ST6GALNAC3: variants seen among roughly 807,000 people sequenced by gnomAD.
The protein encoded by ST6GALNAC3 is alpha-N-acetylgalactosaminide alpha-2,6-sialyltransferase 3.
ST6GALNAC3 carries 25 observed loss-of-function variants against 32.7 expected under a neutral mutation model. The observed-to-expected ratio is 0.76, with a 90% CI of 0.56 to 1.07. The LOEUF (loss-of-function observed/expected upper bound fraction) is 1.07. Ranked by LOEUF, ST6GALNAC3 falls within the 50% of genes least tolerant of loss-of-function variation. ST6GALNAC3 has a pLI of 0.00. For synonymous variants in ST6GALNAC3, 129 were observed against 133.1 expected (o/e 0.97, Z 0.21); for missense variants, 355 against 382.4 (o/e 0.93, Z 0.60).
intron 1 of ST6GALNAC3, among the ~76,000 whole-genome samples, chr1:76,234,616 C>A (rs1013422105): frequency 6.6e-6 from 1 of 152,238 alleles, no homozygotes; most frequent in African/African-American, 2.4e-5. Context: ...GGGCTCTACA[C>A]CTGAATTTCT....
chr1:76,540,543 A>G (rs540272143), intron 3 of ST6GALNAC3, among the ~76,000 whole-genome samples: 1 of 152,308 alleles, frequency 6.6e-6, no homozygotes, highest in East Asian at 1.9e-4. Flanking sequence ...TTTGGGGAGT[A>G]CCATAGTCTT....
intron 2 of ST6GALNAC3, among the ~76,000 whole-genome samples, chr1:76,341,629 CTT>C (rs1235356122): frequency 7.7e-6 from 1 of 130,568 alleles, no homozygotes; most frequent in African/African-American, 3.1e-5. Flanking sequence ...TTCTTTCTTT[CTT>C]TCTTTCTTTC....
At chr1:76,146,907 T>G (rs1384628960) in intron 1 of ST6GALNAC3, among the ~76,000 whole-genome samples, 1 of 152,134 alleles carries the variant, frequency 6.6e-6, no homozygotes, top group African/African-American at 2.4e-5. Flanking sequence ...GAAATGTACT[T>G]TCCGACCTCC....
intron 3 of ST6GALNAC3, among the ~76,000 whole-genome samples, chr1:76,508,571 AC>A (rs1213582052): frequency 1.3e-5 from 2 of 151,862 alleles, no homozygotes; most frequent in African/African-American, 4.8e-5. Flanking sequence ...CTGAAGCATA[AC>A]CCCCCGGAGT....
chr1:76,419,145 G>C (rs890876363), intron 3 of ST6GALNAC3, among the ~76,000 whole-genome samples: 10 of 151,968 alleles, frequency 6.6e-5, no homozygotes, highest in African/African-American at 2.2e-4. Context: ...AACATCTCAA[G>C]TTCAGTGATC....
At chr1:76,327,363 G>GCCTCATGA (rs1283143131) in intron 2 of ST6GALNAC3, among the ~76,000 whole-genome samples, 1 of 151,474 alleles carries the variant, frequency 6.6e-6, no homozygotes, top group East Asian at 2.0e-4. Flanking sequence ...TTAAAGAATT[G>GCCTCATGA]CCTCATGAGA....
At chr1:76,133,072 A>G (rs1180692564) in intron 1 of ST6GALNAC3, among the ~76,000 whole-genome samples, 3 of 152,084 alleles carry the variant, frequency 2.0e-5, no homozygotes, top group Non-Finnish European at 2.9e-5. Flanking sequence ...AAAATATGCT[A>G]TAGTAGGGGG....
chr1:76,244,701 CAT>C (rs1657158198), intron 1 of ST6GALNAC3, among the ~76,000 whole-genome samples: 1 of 152,116 alleles, frequency 6.6e-6, no homozygotes, highest in African/African-American at 2.4e-5. Context: ...TTGAGATAAT[CAT>C]GTGGTTTTTG....
chr1:76,272,842 G>C (rs1658928489), intron 1 of ST6GALNAC3, among the ~76,000 whole-genome samples: 1 of 152,160 alleles, frequency 6.6e-6, no homozygotes, highest in African/African-American at 2.4e-5. Flanking sequence ...TCACAGCAGA[G>C]AGAGGAAGAC....
chr1:76,504,501 T>C (rs1661356476), intron 3 of ST6GALNAC3, among the ~76,000 whole-genome samples: 1 of 152,152 alleles, frequency 6.6e-6, no homozygotes, highest in African/African-American at 2.4e-5. Context: ...GGGGAATAAA[T>C]AAATGAACAG....
intron 1 of ST6GALNAC3, among the ~76,000 whole-genome samples, chr1:76,245,912 G>T (rs1456071444): frequency 2.0e-5 from 3 of 152,200 alleles, no homozygotes; most frequent in East Asian, 1.9e-4. Flanking sequence ...TTCTATAGTT[G>T]TTTGTTAGGT....
chr1:76,541,078 T>C (rs1402115273), intron 3 of ST6GALNAC3, among the ~76,000 whole-genome samples: 4 of 152,114 alleles, frequency 2.6e-5, no homozygotes, highest in Admixed American at 2.0e-4. Flanking sequence ...GTGGCAAGAA[T>C]GTAGCCTTCA....
intron 2 of ST6GALNAC3, among the ~76,000 whole-genome samples, chr1:76,391,034 G>A (rs2101152953): frequency 6.6e-6 from 1 of 150,918 alleles, no homozygotes; most frequent in Admixed American, 6.6e-5. Context: ...CCACCTCCCA[G>A]GATCACGCCA....
intron 1 of ST6GALNAC3, among the ~76,000 whole-genome samples, chr1:76,113,824 T>C (rs879870210): frequency 6.6e-6 from 1 of 151,874 alleles, no homozygotes; most frequent in Admixed American, 6.6e-5. Flanking sequence ...AAATTACAAA[T>C]GAAGTATCTT....
rs139856539 is a variant in ST6GALNAC3, at chr1:76,357,056, T to C, written c.213+43057T>C. On this transcript the variant is annotated intron_variant, in intron 2 of 4. Transcript: ENST00000328299. The stretch of plus-strand genomic sequence containing the variant: ...ATTCTTACTGTCAAATGAAAAAGTC[T>C]AAAGTCTTTAGCCTAATATTCATGG... 3.2e-3 allele frequency among the ~76,000 whole-genome samples: 482 copies of C among 152,118 alleles called. 5 individuals carry two copies. The highest frequency in any genetic ancestry group is 0.01 in the African/African-American group (433 of 41,518).
intron 3 of ST6GALNAC3, among the ~76,000 whole-genome samples, chr1:76,541,621 A>G (rs72989991): frequency 0.043 from 6,622 of 152,260 alleles, 337 homozygotes; most frequent in African/African-American, 0.12. Flanking sequence ...GCCTTGCCTT[A>G]TTACTTATTA....
intron 1 of ST6GALNAC3, among the ~76,000 whole-genome samples, chr1:76,202,300 G>GTGTA (rs1304874102): frequency 5.3e-5 from 8 of 149,588 alleles, no homozygotes; most frequent in African/African-American, 2.0e-4. Context: ...GTGTGTGTGT[G>GTGTA]TGTATGTACA....
At chr1:76,614,308 C>T (rs1332736108) in intron 3 of ST6GALNAC3, among the ~76,000 whole-genome samples, 1 of 152,212 alleles carries the variant, frequency 6.6e-6, no homozygotes, top group Non-Finnish European at 1.5e-5. Flanking sequence ...TAAGTTAATT[C>T]ATAATGAAGT....
rs776561164 is a variant in ST6GALNAC3 at position 76,631,750 on chromosome 1, T to C, written c.*2944T>C. On this transcript the variant is annotated 3_prime_UTR_variant, in exon 5 of 5. Transcript: ENST00000328299. ...TTGGAAAATGAACTATAAAAAAGGG[T>C]CACAATTTTTCTGAAATTGGCATGA... 42 of 152,022 alleles carry C rather than the reference T, an allele frequency of 2.8e-4. 1 individual carries two copies. The highest frequency in any genetic ancestry group is 5.2e-4 in the Admixed American group (8 of 15,254). The allele number at this position is 152,022 out of a possible 1,614,324, so 9.4% of individuals were successfully genotyped here. A position where few individuals can be genotyped will look rare whatever the true frequency, so the allele number is the denominator to read the frequency against.
Sources: allele counts gnomAD v4.1 joint callset (sites outside exome capture counted in the v4.1 genomes callset), GRCh38; gene constraint gnomAD v4.1.1; transcripts MANE v1.5; gene names NCBI Gene and HGNC (gene_info 2026-07-23, HGNC 2026-07-21).